Variants in ZGRF1 observed in about 807,000 individuals in gnomAD.
ZGRF1 encodes 5'-3' DNA helicase ZGRF1.
Under a neutral mutation model 203.5 loss-of-function variants are expected in ZGRF1, and 196 were observed. The ratio of observed to expected loss-of-function variants is 0.96; its 90% CI spans 0.86 to 1.08. The LOEUF (loss-of-function observed/expected upper bound fraction) is 1.08, where lower values mean the gene tolerates loss of function less well. Ranked by LOEUF, ZGRF1 falls within the 50% of genes least tolerant of loss-of-function variation. The pLI is 0.00. For synonymous variants in ZGRF1, 809 were observed against 841.3 expected (o/e 0.96, Z 0.66); for missense variants, 2,326 against 2,416.3 (o/e 0.96, Z 0.78).
chr4:112,626,629 T>A (rs539409301), intron 3 of ZGRF1, among the ~76,000 whole-genome samples: 2 of 152,294 alleles, frequency 1.3e-5, no homozygotes, highest in African/African-American at 4.8e-5. Context: ...CTCACTCGGA[T>A]GCCCAAAAAA....
intron 10 of ZGRF1, 139 bp downstream of exon 10, chr4:112,603,385 T>A (rs1301858174): frequency 1.9e-6 from 1 of 526,992 alleles, no homozygotes; most frequent in African/African-American, 1.9e-5. Context: ...TATTTAGTTT[T>A]GAGATATTAT....
chr4:112,539,901 T>C lies in ZGRF1; in HGVS notation c.6134A>G (p.Lys2045Arg), dbSNP rs746460433. ...LIVGNLACLRKNQLWGRVIQH... is the reference protein window; with the variant it reads ...LIVGNLACLRRNQLWGRVIQH... Reference sequence around the variant, plus strand: ...GATCACTCGTCCCCAAAGTTGATTTTTCCTCAAACAGGCTAAATTTCCCAC... The same window carrying C: ...GATCACTCGTCCCCAAAGTTGATTTCTCCTCAAACAGGCTAAATTTCCCAC... The change falls in exon 27 of 28, where the codon AAA becomes AGA. Residue 2045 changes from lysine (K) to arginine (R), a missense_variant. Lys to Arg is a conservative substitution (Grantham distance 26). Transcript: ENST00000505019. 1.1e-5 allele frequency: 17 copies of C among 1,613,776 alleles called. No individual in the cohort carries two copies.
intron 20 of ZGRF1, among the ~76,000 whole-genome samples, chr4:112,555,910 C>T (rs1239250230): frequency 6.6e-6 from 1 of 151,722 alleles, no homozygotes. Context: ...GAGTACTTAC[C>T]CTCCCTCCTC....
At position 112,572,229 on chromosome 4, in the gene ZGRF1, G is replaced by C. The variant is rs185189255; in HGVS notation, c.4439-8955C>G. Reference sequence around the variant, plus strand: ...ACACAAACCAATAGAACAGAATAGAGAGCCCAGAAATAAAGCCAAATACTT... The same window carrying C: ...ACACAAACCAATAGAACAGAATAGACAGCCCAGAAATAAAGCCAAATACTT... On this transcript the variant is annotated intron_variant, in intron 16 of 27. Coordinates refer to ENST00000505019, the MANE Select transcript of ZGRF1 (RefSeq NM_018392.5). Among the ~76,000 whole-genome samples, 177 of 152,214 alleles carry C rather than the reference G, an allele frequency of 1.2e-3. 1 individual carries two copies. The highest frequency in any genetic ancestry group is 4.0e-3 in the African/African-American group (168 of 41,530).
In ZGRF1 at chr4:112,581,765, G is replaced by A; in HGVS notation, c.4336C>T (p.Leu1446=). 6.6e-7 allele frequency: 1 copy of A among 1,510,298 alleles called. No homozygotes were observed. The highest frequency in any genetic ancestry group is 8.9e-7 in the Non-Finnish European group (1 of 1,121,684). 93.6% of individuals were successfully genotyped at this position (1,510,298 alleles called of 1,614,324 possible). Residue 1446 remains leucine, a synonymous_variant, in exon 16 of 28, where the codon CTA becomes TTA. Transcript: ENST00000505019. Reference sequence around the variant, plus strand: ...GGATTTACAGTAGTAAACTTCTTTAGTTTGCCATACTGTTTTCTCTGAAAA... The same window carrying A: ...GGATTTACAGTAGTAAACTTCTTTAATTTGCCATACTGTTTTCTCTGAAAA... ...FDFQRKQYGK[L]KKFTTVNPEF... is the part of the protein sequence containing the mutation.
intron 16 of ZGRF1, among the ~76,000 whole-genome samples, chr4:112,566,699 G>A (rs1324000719): frequency 2.6e-5 from 4 of 152,032 alleles, no homozygotes; most frequent in East Asian, 1.9e-4. Flanking sequence ...AGAGAGAAGT[G>A]GAGAAAACCA....
intron 3 of ZGRF1, among the ~76,000 whole-genome samples, chr4:112,628,231 G>A (rs2047298626): frequency 6.6e-6 from 1 of 152,154 alleles, no homozygotes; most frequent in African/African-American, 2.4e-5. Context: ...GATGTGGCAG[G>A]TACTTCGTTA....
Position 112,585,742 on chromosome 4 carries a change from A to G in ZGRF1, c.3917-17T>C, listed in dbSNP as rs147222685. ...TTAGATGTTCTACAAAAAAAAAAAA[A>G]AGAGAGCAGAAAATTAAATACAAAA... On this transcript the variant is annotated splice_polypyrimidine_tract_variant and intron_variant, in intron 13 of 27. Transcript: ENST00000505019. The G allele has an allele frequency of 4.6e-3, 6,939 of 1,497,340 alleles. 161 individuals carry two copies. In the East Asian group the frequency reaches 0.093, roughly 20 times the overall value. 92.8% of individuals were successfully genotyped at this position (1,497,340 alleles called of 1,614,324 possible). A position where few individuals can be genotyped will look rare whatever the true frequency, so the allele number is the denominator to read the frequency against.
chr4:112,607,259 G>T (rs1021601324), intron 8 of ZGRF1, among the ~76,000 whole-genome samples: 8 of 152,010 alleles, frequency 5.3e-5, no homozygotes, highest in African/African-American at 1.7e-4. Flanking sequence ...GAGTAACTGG[G>T]ACTACAAGCA....
intron 3 of ZGRF1, among the ~76,000 whole-genome samples, chr4:112,625,335 C>T (rs2047199696): frequency 6.6e-6 from 1 of 151,756 alleles, no homozygotes; most frequent in African/African-American, 2.4e-5. Context: ...GCCTGTAATC[C>T]CAGCACTTTG....
At chr4:112,595,590 G>A (rs1298228390) in intron 10 of ZGRF1, among the ~76,000 whole-genome samples, 1 of 152,102 alleles carries the variant, frequency 6.6e-6, no homozygotes, top group Non-Finnish European at 1.5e-5. Flanking sequence ...ATGTGTGTGT[G>A]TGTGTGTATT....
At chr4:112,588,382 G>A (rs1747595451) in intron 11 of ZGRF1, among the ~76,000 whole-genome samples, 1 of 152,126 alleles carries the variant, frequency 6.6e-6, no homozygotes, top group African/African-American at 2.4e-5. Flanking sequence ...CCCAGAGACG[G>A]AAGCTCATGG....
chr4:112,602,576 C>T (rs1392467635), intron 10 of ZGRF1, among the ~76,000 whole-genome samples: 1 of 152,200 alleles, frequency 6.6e-6, no homozygotes, highest in East Asian at 1.9e-4. Context: ...TGTATATGTA[C>T]ATGTTCATGA....
rs1291503144 is a variant in ZGRF1 at position 112,579,006 on chromosome 4, G to A, written c.4438+2657C>T. Among the ~76,000 whole-genome samples the A allele has an allele frequency of 4.9e-5, 6 of 121,614 alleles. 2 individuals are homozygous for A. The highest frequency in any genetic ancestry group is 1.1e-4 in the Non-Finnish European group (6 of 54,786). The allele number at this position is 121,614 out of a possible 152,430, so 79.8% of individuals were successfully genotyped here. A position where few individuals can be genotyped will look rare whatever the true frequency, so the allele number is the denominator to read the frequency against. On this transcript the variant is annotated intron_variant, in intron 16 of 27. Coordinates refer to ENST00000505019, the MANE Select transcript of ZGRF1 (RefSeq NM_018392.5). The stretch of plus-strand genomic sequence containing the variant: ...TAGACCAATATCCCTGATGAACATC[G>A]ATGCAAAAATCCTCAATAAAATACT...
Position 112,540,094 on chromosome 4 carries a change from GA to G in ZGRF1, c.5940del (p.His1981ThrfsTer13). The G allele has an allele frequency of 6.3e-7, 1 of 1,590,262 alleles. No homozygotes were observed. The highest frequency in any genetic ancestry group is 8.6e-7 in the Non-Finnish European group (1 of 1,166,418). On this transcript the variant is annotated frameshift_variant, in exon 27 of 28. Transcript: ENST00000505019. LOFTEE classifies it high-confidence loss of function. ...KLCHLLSAVD[F>X]HHPDIKTVQV... is the part of the protein sequence containing the mutation. ...TGCACAGTTTTAATATCAGGATGGT[GA>G]AAGTCCACAGCACTGAGTAAATGAC...
At position 112,587,510 on chromosome 4, in the gene ZGRF1, C is replaced by A. The variant is rs748631312; in HGVS notation, c.3547G>T (p.Asp1183Tyr). ...AEAVSGMHFR[D>Y]TSERQSDAVN... is the part of the protein sequence containing the mutation. ...GCATCACTCTGTCTTTCACTTGTGTCTCTAAAATGCATCCCAGAAACAGCC... is the reference window on the plus strand; with the variant it reads ...GCATCACTCTGTCTTTCACTTGTGTATCTAAAATGCATCCCAGAAACAGCC... Residue 1183 changes from aspartate (D) to tyrosine (Y), a missense_variant, in exon 12 of 28, where the codon GAC (aspartate) becomes TAC (tyrosine). Physicochemically the swap from Asp to Tyr is radical, Grantham distance 160. Transcript: ENST00000505019. The A allele has an allele frequency of 2.5e-6, 4 of 1,613,942 alleles. No homozygotes were observed. The highest frequency in any genetic ancestry group is 3.4e-6 in the Non-Finnish European group (4 of 1,179,866).
intron 10 of ZGRF1, among the ~76,000 whole-genome samples, chr4:112,600,731 G>GC (rs1158685156): frequency 6.6e-6 from 1 of 151,908 alleles, no homozygotes; most frequent in Non-Finnish European, 1.5e-5. Flanking sequence ...CTTGCTTCTA[G>GC]CCCTCCTAGG....
At chr4:112,628,308 A>C (rs896718246) in intron 3 of ZGRF1, among the ~76,000 whole-genome samples, 4 of 152,198 alleles carry the variant, frequency 2.6e-5, no homozygotes, top group African/African-American at 9.7e-5. Context: ...TCCCCATTTT[A>C]CAAAGAAAGA....
chr4:112,602,441 T>G (rs77842795), intron 10 of ZGRF1, among the ~76,000 whole-genome samples: 1,872 of 152,332 alleles, frequency 0.012, 13 homozygotes, highest in Middle Eastern at 0.044. Context: ...AATGGAAATG[T>G]AAATTATAAA....
Sources: allele counts gnomAD v4.1 joint callset (sites outside exome capture counted in the v4.1 genomes callset), GRCh38; gene constraint gnomAD v4.1.1; transcripts MANE v1.5; gene names NCBI Gene and HGNC (gene_info 2026-07-23, HGNC 2026-07-21).